Variants in POLR3A observed in about 807,000 individuals in gnomAD.
POLR3A encodes the protein DNA-directed RNA polymerase III subunit RPC1.
A neutral mutation model predicts 152.8 loss-of-function variants in POLR3A; 112 were observed. That is an observed-to-expected ratio of 0.73 (90% CI 0.63 to 0.86). The LOEUF is 0.86. POLR3A is among the 40% of genes least tolerant of loss of function. POLR3A has a pLI of 0.00. For missense variants in POLR3A, 1,385 were observed against 1,743.1 expected (o/e 0.79, Z 3.66); for synonymous variants, 615 against 652.1 (o/e 0.94, Z 0.87).
chr10:77,993,534 C>G (rs1199800848), intron 19 of POLR3A, among the ~76,000 whole-genome samples, 167 bp from the exon 20 acceptor site: 1 of 152,136 alleles, frequency 6.6e-6, no homozygotes, highest in Non-Finnish European at 1.5e-5. Context: ...AGAACAAGAG[C>G]AAGAATGCCT....
chr10:78,005,433 C>CAAG (rs1847401716), intron 15 of POLR3A, among the ~76,000 whole-genome samples: 1 of 152,206 alleles, frequency 6.6e-6, no homozygotes, highest in South Asian at 2.1e-4. Flanking sequence ...GGCAACAGAG[C>CAAG]AAGACCCTGT....
Position 77,977,425 on chromosome 10 carries a change from G to A in POLR3A, c.*53C>T. The A allele has an allele frequency of 6.3e-7, 1 of 1,591,016 alleles. No homozygotes were observed. Among genetic ancestry groups the A allele is most frequent in the Non-Finnish European group, 8.6e-7 (1 of 1,159,694 alleles). ...GGAGCACAAAACTCTTTATACATCA[G>A]CTGGAGACAGGACAAGGAGTCAAGG... On this transcript the variant is annotated 3_prime_UTR_variant, in exon 31 of 31. Coordinates refer to ENST00000372371, the MANE Select transcript of POLR3A (RefSeq NM_007055.4).
rs1376632879 is a variant in POLR3A at position 78,017,704 on chromosome 10, G to GT, written c.1301dup (p.Tyr434Ter). ...CTTGAGCCATCTTTTCTCGATTTCCGTATTTCAAAAACCTGAATGTGCAAC... is the reference window on the plus strand; with the variant it reads ...CTTGAGCCATCTTTTCTCGATTTCCGTTATTTCAAAAACCTGAATGTGCAAC... ...RHTQMKRFLK[Y>*]GNREKMAQEL... The change falls in exon 10 of 31, where the codon TAC (tyrosine) becomes TAAC (stop). Residue 434 changes from tyrosine (Y) to a stop codon, truncating the protein, a stop_gained and frameshift_variant. Transcript: ENST00000372371. LOFTEE classifies it high-confidence loss of function. 1 of 1,613,930 alleles carries GT rather than the reference G, an allele frequency of 6.2e-7. No individual in the cohort carries two copies. Among genetic ancestry groups the GT allele is most frequent in the African/African-American group, 1.3e-5 (1 of 74,902 alleles).
chr10:78,026,054 G>A, intron 2 of POLR3A, 40 bp downstream of exon 2: 1 of 1,612,478 alleles, frequency 6.2e-7, no homozygotes. Context: ...TTTATCAGCA[G>A]GGCAAGACAC....
At chr10:78,006,883 T>G (rs1847416892) in intron 15 of POLR3A, among the ~76,000 whole-genome samples, 1 of 151,608 alleles carries the variant, frequency 6.6e-6, no homozygotes, top group African/African-American at 2.4e-5. Flanking sequence ...CTTTGGGAGG[T>G]GGAGGCAGGT....
Position 77,988,135 on chromosome 10 carries a change from ACT to A in POLR3A, c.2902-1978_2902-1977del, listed in dbSNP as rs149635137. Among the ~76,000 whole-genome samples, 363 of 152,176 alleles carry A rather than the reference ACT, an allele frequency of 2.4e-3. 2 individuals carry two copies. Among genetic ancestry groups the A allele is most frequent in the African/African-American group, 7.4e-3 (309 of 41,518 alleles). The stretch of plus-strand genomic sequence containing the variant: ...TTCTCATGACTCTCTGTGTTGGCCC[ACT>A]CTCTTTCTTCCCACTGAGAAAGTGC... On this transcript the variant is annotated intron_variant, in intron 21 of 30. Transcript: ENST00000372371.
At chr10:78,019,335 G>T in intron 8 of POLR3A, 70 bp from the exon 9 acceptor site, 1 of 1,039,190 alleles carries the variant, frequency 9.6e-7, no homozygotes, top group Non-Finnish European at 1.5e-6. Context: ...ACTGAAATGC[G>T]TCTTAATCTT....
chr10:78,010,012 C>G, intron 12 of POLR3A, 21 bp from the exon 13 acceptor site: 1 of 1,613,504 alleles, frequency 6.2e-7, no homozygotes, highest in South Asian at 1.1e-5. Context: ...GGAACCAACA[C>G]AAAACAAAGA....
In POLR3A at chr10:77,981,449, G is replaced by C; in HGVS notation, c.3870C>G (p.Leu1290=). The C allele has an allele frequency of 6.2e-7, 1 of 1,614,100 alleles. No homozygotes were observed. The highest frequency in any genetic ancestry group is 8.5e-7 in the Non-Finnish European group (1 of 1,179,988). ...MSIDRRHVML[L]SDLMTYKGEV... is the part of the protein sequence containing the mutation. ...ATACCTTGTAGGTCATGAGGTCGGAGAGCAGCATCACGTGCCTCCTGTCGA... is the reference window on the plus strand; with the variant it reads ...ATACCTTGTAGGTCATGAGGTCGGACAGCAGCATCACGTGCCTCCTGTCGA... Residue 1290 remains leucine, a synonymous_variant, in exon 29 of 31, where the codon CTC becomes CTG. Coordinates refer to ENST00000372371, the MANE Select transcript of POLR3A (RefSeq NM_007055.4).
At chr10:78,024,370 CAAAA>C (rs59548771) in intron 5 of POLR3A, among the ~76,000 whole-genome samples, 175 bp downstream of exon 5, 5 of 67,598 alleles carry the variant, frequency 7.4e-5, no homozygotes, top group Non-Finnish European at 1.1e-4. Flanking sequence ...TCTTCCATCT[CAAAA>C]AAAAAAAAAA....
intron 12 of POLR3A, 100 bp from the exon 13 acceptor site, chr10:78,010,091 C>T (rs968593208): frequency 1.4e-5 from 20 of 1,464,662 alleles, no homozygotes; most frequent in African/African-American, 4.2e-5. Flanking sequence ...TGACCAACAG[C>T]GTGAATTGAA....
chr10:77,990,489 A>G (rs1257341873), intron 21 of POLR3A, among the ~76,000 whole-genome samples: 2 of 152,120 alleles, frequency 1.3e-5, no homozygotes, highest in Admixed American at 1.3e-4. Flanking sequence ...CTAACAGGGG[A>G]AAAAAACATT....
At chr10:78,008,346 A>G (rs1321089811) in intron 14 of POLR3A, among the ~76,000 whole-genome samples, 1 of 152,252 alleles carries the variant, frequency 6.6e-6, no homozygotes. Context: ...TAAAACAAGA[A>G]GCTGAAGTAT....
At chr10:78,010,291 T>C (rs1847453811) in intron 12 of POLR3A, among the ~76,000 whole-genome samples, 180 bp downstream of exon 12, 1 of 141,908 alleles carries the variant, frequency 7.0e-6, no homozygotes, top group Non-Finnish European at 1.5e-5. Context: ...AACCAACCAA[T>C]TAAAAAAAAA....
chr10:77,993,510 G>GT, intron 19 of POLR3A, 143 bp from the exon 20 acceptor site: 1 of 699,504 alleles, frequency 1.4e-6, no homozygotes, highest in Non-Finnish European at 2.5e-6. Flanking sequence ...TTTAAAAAGA[G>GT]TCCTCTCACC....
rs1489402775 is a variant in POLR3A, at chr10:77,993,052, A to G, written c.2787+145T>C. The G allele has an allele frequency of 1.1e-5, 8 of 758,908 alleles. No individual in the cohort carries two copies. In the South Asian group the frequency reaches 1.1e-4, roughly 11 times the overall value. 47.0% of individuals were successfully genotyped at this position (758,908 alleles called of 1,614,324 possible). A position where few individuals can be genotyped will look rare whatever the true frequency, so the allele number is the denominator to read the frequency against. Reference sequence around the variant, plus strand: ...ATATCGGAAAATTATACAGAGTAACACAAAGAAAAAAGATACTAATCCAGT... The same window carrying G: ...ATATCGGAAAATTATACAGAGTAACGCAAAGAAAAAAGATACTAATCCAGT... On this transcript the variant is annotated intron_variant, in intron 20 of 30. Transcript: ENST00000372371.
intron 10 of POLR3A, among the ~76,000 whole-genome samples, chr10:78,014,554 C>A (rs1168494639): frequency 6.6e-6 from 1 of 151,944 alleles, no homozygotes; most frequent in Non-Finnish European, 1.5e-5. Context: ...GTAGCTGGGA[C>A]TACAGGCGTT....
chr10:78,028,842 C>T (rs1303385539), intron 1 of POLR3A, among the ~76,000 whole-genome samples: 1 of 151,910 alleles, frequency 6.6e-6, no homozygotes, highest in Non-Finnish European at 1.5e-5. Context: ...AAGGAGCCAC[C>T]GCCTAATAAC....
chr10:78,001,209 TC>T (rs1217675142), intron 17 of POLR3A, 115 bp from the exon 18 acceptor site: 2 of 652,314 alleles, frequency 3.1e-6, no homozygotes, highest in African/African-American at 3.6e-5. Flanking sequence ...GAGGTCATGG[TC>T]CTGGAACAGT....
Sources: gnomAD v4.1 joint callset for allele counts (sites outside exome capture counted in the v4.1 genomes callset) on GRCh38, gnomAD v4.1.1 for gene constraint, MANE v1.5 for transcripts, NCBI Gene and HGNC (gene_info 2026-07-23, HGNC 2026-07-21) for gene names.